Variants in UTP25 observed in about 807,000 individuals in gnomAD.
UTP25 encodes UTP25 small subunit processome component, also known as U3 small nucleolar RNA-associated protein 25 homolog.
UTP25 carries 50 observed loss-of-function variants against 78.9 expected under a neutral mutation model. The observed-to-expected ratio is 0.63, with a 90% CI of 0.50 to 0.80. The LOEUF (loss-of-function observed/expected upper bound fraction) is 0.80. Ranked by LOEUF, UTP25 falls within the 30% of genes least tolerant of loss-of-function variation. UTP25 has a pLI of 0.00. For missense variants in UTP25, 846 were observed against 911.3 expected (o/e 0.93, Z 0.92); for synonymous variants, 329 against 336.5 (o/e 0.98, Z 0.24).
chr1:209,838,721 G>A lies in UTP25; in HGVS notation c.1063-188G>A, dbSNP rs940599033. 6.6e-5 allele frequency: 43 copies of A among 654,086 alleles called. 2 individuals carry two copies. In the South Asian group the frequency reaches 7.4e-4, roughly 11 times the overall value. 40.5% of individuals were successfully genotyped at this position (654,086 alleles called of 1,614,324 possible). ...TGAAGTCCGCAGGTCATGGTGCTGG[G>A]GTTATGAAAGGTGCTCAGTTTCTGG... is the stretch of plus-strand genomic sequence containing the variant. On this transcript the variant is annotated intron_variant, in intron 6 of 11. Transcript: ENST00000491415.
chr1:209,844,899 C>T (rs2078188630), intron 11 of UTP25, among the ~76,000 whole-genome samples: 1 of 152,144 alleles, frequency 6.6e-6, no homozygotes, highest in Non-Finnish European at 1.5e-5. Context: ...TTACCTCATC[C>T]TGATTTCACA....
Position 209,833,181 on chromosome 1 carries a change from G to C in UTP25, c.389-4G>C. The C allele has an allele frequency of 6.2e-7, 1 of 1,607,810 alleles. No individual in the cohort carries two copies. The highest frequency in any genetic ancestry group is 2.2e-5 in the East Asian group (1 of 44,698). On this transcript the variant is annotated splice_region_variant and splice_polypyrimidine_tract_variant and intron_variant, in intron 3 of 11. Coordinates refer to ENST00000491415, the MANE Select transcript of UTP25 (RefSeq NM_014388.7). ...ATTTTATAAAATGTTTCTCAAAACTGCAGATGTAGCTTTATCTGCTGACCC... is the reference window on the plus strand; with the variant it reads ...ATTTTATAAAATGTTTCTCAAAACTCCAGATGTAGCTTTATCTGCTGACCC...
intron 6 of UTP25, among the ~76,000 whole-genome samples, chr1:209,837,987 G>A (rs2078143785): frequency 1.3e-5 from 2 of 152,126 alleles, no homozygotes; most frequent in South Asian, 4.1e-4. Context: ...AAACTCCCTT[G>A]TGTAATAGCG....
chr1:209,833,997 A>G (rs1181357648), intron 4 of UTP25, among the ~76,000 whole-genome samples: 2 of 152,210 alleles, frequency 1.3e-5, no homozygotes, highest in Non-Finnish European at 2.9e-5. Flanking sequence ...TCTCATTGCC[A>G]TTCTTCAACC....
At chr1:209,848,895 A>T (rs564544566) in intron 11 of UTP25, among the ~76,000 whole-genome samples, 1 of 152,166 alleles carries the variant, frequency 6.6e-6, no homozygotes, top group Non-Finnish European at 1.5e-5. Context: ...GGTGCTATCA[A>T]TCTAGTCAGG....
chr1:209,851,330 T>G lies in UTP25; in HGVS notation c.2154T>G (p.Thr718=). 6.2e-7 allele frequency: 1 copy of G among 1,614,202 alleles called. No individual in the cohort carries two copies. ...NRGEEATWTC[T]VLYSKYDAQR... is the part of the protein sequence containing the mutation. Reference sequence around the variant, plus strand: ...GAGAAGAGGCCACGTGGACCTGCACTGTTCTCTACTCCAAATATGATGCCC... The same window carrying G: ...GAGAAGAGGCCACGTGGACCTGCACGGTTCTCTACTCCAAATATGATGCCC... The change falls in exon 12 of 12, where the codon ACT becomes ACG. Residue 718 remains threonine, a synonymous_variant. Transcript: ENST00000491415.
rs1411378193 is a variant in UTP25 at position 209,856,779 on chromosome 1, G to A, written c.*5332G>A. The stretch of plus-strand genomic sequence containing the variant: ...TCAGGGTTGATGCTGGCCATTTGGT[G>A]GCGTGAGGAGTGGGCACTCACATGT... On this transcript the variant is annotated 3_prime_UTR_variant, in exon 12 of 12. Transcript: ENST00000491415. 1 of 152,260 alleles carries A rather than the reference G, an allele frequency of 6.6e-6. No homozygotes were observed. The highest frequency in any genetic ancestry group is 1.5e-5 in the Non-Finnish European group (1 of 68,062). 9.4% of individuals were successfully genotyped at this position (152,260 alleles called of 1,614,324 possible). A position where few individuals can be genotyped will look rare whatever the true frequency, so the allele number is the denominator to read the frequency against.
At chr1:209,839,397 CAG>C (rs2078153755) in intron 7 of UTP25, among the ~76,000 whole-genome samples, 1 of 152,278 alleles carries the variant, frequency 6.6e-6, no homozygotes, top group East Asian at 1.9e-4. Flanking sequence ...AAGTTTATAA[CAG>C]AAGTGTGAAA....
chr1:209,833,536 G>T (rs2078115235), intron 4 of UTP25, among the ~76,000 whole-genome samples, 178 bp downstream of exon 4: 1 of 152,174 alleles, frequency 6.6e-6, no homozygotes, highest in Non-Finnish European at 1.5e-5. Context: ...TTTAGGGGTT[G>T]GACGGGACAT....
Position 209,842,359 on chromosome 1 carries a change from A to T in UTP25, c.1580A>T (p.Tyr527Phe). The T allele has an allele frequency of 6.2e-7, 1 of 1,614,162 alleles. No homozygotes were observed. Among genetic ancestry groups the T allele is most frequent in the East Asian group, 2.2e-5 (1 of 44,882 alleles). The stretch of plus-strand genomic sequence containing the variant: ...TGGAGCCTCAATAATTGGTCCAAGT[A>T]CTATCGCCAGACACTGCTATTTGGG... Reference protein sequence around the residue: ...RMWSLNNWSKYYRQTLLFGAL... With the variant: ...RMWSLNNWSKFYRQTLLFGAL... The change falls in exon 9 of 12, where the codon TAC becomes TTC. Residue 527 changes from tyrosine (Y) to phenylalanine (F), a missense_variant. Physicochemically the swap from Tyr to Phe is conservative, Grantham distance 22. Coordinates refer to ENST00000491415, the MANE Select transcript of UTP25 (RefSeq NM_014388.7).
Position 209,835,071 on chromosome 1 carries a change from T to C in UTP25, c.563-4T>C. 6.2e-7 allele frequency: 1 copy of C among 1,612,212 alleles called. No homozygotes were observed. Among genetic ancestry groups the C allele is most frequent in the South Asian group, 1.1e-5 (1 of 90,896 alleles). On this transcript the variant is annotated splice_polypyrimidine_tract_variant and splice_region_variant and intron_variant, in intron 4 of 11. Coordinates refer to ENST00000491415, the MANE Select transcript of UTP25 (RefSeq NM_014388.7). Reference sequence around the variant, plus strand: ...TGTGCTGACATTTTTTATTTCTGAATTAGATCCATTTCTTCAACATGTGAA... The same window carrying C: ...TGTGCTGACATTTTTTATTTCTGAACTAGATCCATTTCTTCAACATGTGAA...
chr1:209,849,146 C>T (rs538085334), intron 11 of UTP25, among the ~76,000 whole-genome samples: 1 of 152,120 alleles, frequency 6.6e-6, no homozygotes, highest in Non-Finnish European at 1.5e-5. Context: ...AGGGGGTTCT[C>T]CTGGTCCAGC....
intron 4 of UTP25, among the ~76,000 whole-genome samples, chr1:209,834,023 T>C (rs616544): frequency 0.68 from 103,739 of 152,026 alleles, 36,103 homozygotes; most frequent in Non-Finnish European, 0.75. Context: ...TTACCTTTAA[T>C]GAAACAGAAA....
rs1296652743 is a variant in UTP25, at chr1:209,838,969, C to T, written c.1123C>T (p.Leu375Phe). The T allele has an allele frequency of 6.2e-7, 1 of 1,614,052 alleles. No individual in the cohort carries two copies. The highest frequency in any genetic ancestry group is 1.3e-5 in the African/African-American group (1 of 74,998). ...ALRVVQLFIS[L>F]LEGDSKKKII... ...GCGGGTGGTGCAGCTCTTCATCAGC[C>T]TCCTCGAGGGTGACAGCAAGAAGAA... The change falls in exon 7 of 12, where the codon CTC becomes TTC. Residue 375 changes from leucine to phenylalanine, a missense_variant. Coordinates refer to ENST00000491415, the MANE Select transcript of UTP25 (RefSeq NM_014388.7).
chr1:209,845,182 G>A (rs2078190997), intron 11 of UTP25, among the ~76,000 whole-genome samples: 5 of 152,228 alleles, frequency 3.3e-5, no homozygotes. Context: ...ACCTCTTAGA[G>A]AGTTGAGGAT....
At chr1:209,843,376 T>C in intron 10 of UTP25, 75 bp from the exon 11 acceptor site, 4 of 1,543,530 alleles carry the variant, frequency 2.6e-6, no homozygotes, top group Non-Finnish European at 3.5e-6. Context: ...TGTAATTTGC[T>C]CAGGGTCACA....
intron 10 of UTP25, chr1:209,842,963 A>G (rs925005386): frequency 2.3e-5 from 10 of 441,238 alleles, no homozygotes; most frequent in African/African-American, 4.0e-5. Flanking sequence ...TTTTAAAATT[A>G]TACAGCTTTA....
intron 7 of UTP25, among the ~76,000 whole-genome samples, chr1:209,840,378 A>T (rs689210): frequency 2.0e-5 from 3 of 152,026 alleles, no homozygotes; most frequent in South Asian, 2.1e-4. Flanking sequence ...CAAAAGTGAG[A>T]GTTGAAGTCA....
rs2078274422 is a variant in UTP25 at position 209,856,196 on chromosome 1, C to A, written c.*4749C>A. 6.6e-6 allele frequency: 1 copy of A among 152,236 alleles called. No homozygotes were observed. Among genetic ancestry groups the A allele is most frequent in the African/African-American group, 2.4e-5 (1 of 41,456 alleles). The allele number at this position is 152,236 out of a possible 1,614,324, so 9.4% of individuals were successfully genotyped here. ...AATCCCCACTAGCCTTATAGAGGGACTGTGTGAGAAGGGAAGAGACTGCTA... is the reference window on the plus strand; with the variant it reads ...AATCCCCACTAGCCTTATAGAGGGAATGTGTGAGAAGGGAAGAGACTGCTA... On this transcript the variant is annotated 3_prime_UTR_variant, in exon 12 of 12. Coordinates refer to ENST00000491415, the MANE Select transcript of UTP25 (RefSeq NM_014388.7).
Sources: gnomAD v4.1 joint callset for allele counts (sites outside exome capture counted in the v4.1 genomes callset) on GRCh38, gnomAD v4.1.1 for gene constraint, MANE v1.5 for transcripts, NCBI Gene and HGNC (gene_info 2026-07-23, HGNC 2026-07-21) for gene names.